DISC1: variants seen among roughly 807,000 people sequenced by gnomAD.
DISC1 encodes DISC1 scaffold protein.
Under a neutral mutation model 84.5 loss-of-function variants are expected in DISC1, and 57 were observed. The ratio of observed to expected loss-of-function variants is 0.67; its 90% CI spans 0.55 to 0.84. The LOEUF is 0.84. Among genes scored for constraint, DISC1 ranks in the 40% least tolerant of loss-of-function variants. The pLI is 0.00. For missense variants in DISC1, 1,000 were observed against 1,057.8 expected, an observed-to-expected ratio of 0.95 and a Z score of 0.76; for synonymous variants, 411 against 415.2, an observed-to-expected ratio of 0.99 and a Z score of 0.12.
chr1:231,631,495 G>A (rs551881145), intron 1 of DISC1, among the ~76,000 whole-genome samples: 61 of 152,258 alleles, frequency 4.0e-4, no homozygotes, highest in South Asian at 1.2e-3. Context: ...TTTTTGCCTT[G>A]AAGGCCTTCC....
At chr1:231,903,918 A>T (rs2088410726) in intron 9 of DISC1, among the ~76,000 whole-genome samples, 1 of 152,262 alleles carries the variant, frequency 6.6e-6, no homozygotes, top group Non-Finnish European at 1.5e-5. Context: ...CTGTTGCTGC[A>T]GTCAAGAGAC....
chr1:231,626,945 T>C lies in DISC1; in HGVS notation c.67+11T>C. 6.7e-7 allele frequency: 1 copy of C among 1,502,046 alleles called. No individual in the cohort carries two copies. The highest frequency in any genetic ancestry group is 2.7e-5 in the East Asian group (1 of 37,728). The allele number at this position is 1,502,046 out of a possible 1,614,324, so 93.0% of individuals were successfully genotyped here. On this transcript the variant is annotated intron_variant, in intron 1 of 12. Coordinates refer to ENST00000439617, the MANE Select transcript of DISC1 (RefSeq NM_018662.3). ...TGAGCCACCGCGCAGGTAGGGGAGC[T>C]GCCACAGAGTCCTAGCACGTCCTGG...
At chr1:231,875,420 C>G (rs199734985) in intron 9 of DISC1, among the ~76,000 whole-genome samples, 1 of 152,168 alleles carries the variant, frequency 6.6e-6, no homozygotes, top group East Asian at 1.9e-4. Context: ...CCTGGGCGCT[C>G]TGGCAATGTC....
intron 1 of DISC1, among the ~76,000 whole-genome samples, chr1:231,690,473 A>G (rs565579115): frequency 1.8e-4 from 27 of 152,240 alleles, no homozygotes; most frequent in African/African-American, 6.0e-4. Context: ...TCACCTTGCC[A>G]TATGTTGCTT....
At chr1:231,664,069 T>C (rs2125397421) in intron 1 of DISC1, among the ~76,000 whole-genome samples, 1 of 151,750 alleles carries the variant, frequency 6.6e-6, no homozygotes, top group Non-Finnish European at 1.5e-5. Flanking sequence ...CATCCATCCA[T>C]CCATCCATCC....
intron 9 of DISC1, among the ~76,000 whole-genome samples, chr1:231,894,285 T>C (rs2087496260): frequency 6.6e-6 from 1 of 152,214 alleles, no homozygotes; most frequent in Admixed American, 6.5e-5. Flanking sequence ...AAAAACATAG[T>C]GGACACCCAT....
intron 3 of DISC1, among the ~76,000 whole-genome samples, chr1:231,734,198 CATACTT>C (rs1157018258): frequency 6.6e-6 from 1 of 152,090 alleles, no homozygotes; most frequent in Admixed American, 6.5e-5. Context: ...TCTGTGAAGA[CATACTT>C]ATAGAAACAA....
At chr1:231,934,160 G>A (rs928246965) in intron 9 of DISC1, among the ~76,000 whole-genome samples, 12 of 152,180 alleles carry the variant, frequency 7.9e-5, no homozygotes, top group South Asian at 2.1e-4. Flanking sequence ...GGGGGTGACC[G>A]TGCAGCAATA....
intron 10 of DISC1, among the ~76,000 whole-genome samples, chr1:231,988,610 T>C (rs563745177): frequency 2.0e-5 from 3 of 152,302 alleles, no homozygotes; most frequent in South Asian, 2.1e-4. Context: ...CTGCAAGAAA[T>C]TGGGAACTTA....
At chr1:231,762,862 C>T (rs969768369) in intron 4 of DISC1, among the ~76,000 whole-genome samples, 8 of 152,012 alleles carry the variant, frequency 5.3e-5, no homozygotes, top group Non-Finnish European at 1.0e-4. Flanking sequence ...CCCCATAGTT[C>T]GCTCCATAGG....
chr1:231,919,828 G>A (rs934360838), intron 9 of DISC1, among the ~76,000 whole-genome samples: 4 of 152,162 alleles, frequency 2.6e-5, no homozygotes, highest in Non-Finnish European at 5.9e-5. Flanking sequence ...AATTTCAGGT[G>A]TGCCTTGATA....
At chr1:231,762,334 T>G (rs2075805394) in intron 4 of DISC1, among the ~76,000 whole-genome samples, 2 of 150,124 alleles carry the variant, frequency 1.3e-5, no homozygotes, top group Non-Finnish European at 3.0e-5. Context: ...CCTTCCTGCC[T>G]TCCTTCCTTT....
At chr1:231,976,437 G>C (rs938984389) in intron 10 of DISC1, among the ~76,000 whole-genome samples, 2 of 152,162 alleles carry the variant, frequency 1.3e-5, no homozygotes, top group African/African-American at 4.8e-5. Flanking sequence ...GACCTTTCTT[G>C]TGGCTGCTTC....
chr1:231,760,307 G>A (rs1234282865), intron 4 of DISC1, among the ~76,000 whole-genome samples: 1 of 152,172 alleles, frequency 6.6e-6, no homozygotes, highest in Non-Finnish European at 1.5e-5. Context: ...ATTTCTAGGT[G>A]TAAAGTGCAC....
chr1:231,921,740 G>A (rs774052516), intron 9 of DISC1, among the ~76,000 whole-genome samples: 3 of 149,584 alleles, frequency 2.0e-5, no homozygotes, highest in Admixed American at 6.7e-5. Flanking sequence ...ATGATTTGAT[G>A]TATGCATATG....
intron 9 of DISC1, chr1:231,818,810 G>T: frequency 1.7e-6 from 2 of 1,201,204 alleles, no homozygotes; most frequent in South Asian, 4.6e-5. Context: ...CCTTGGCAAG[G>T]TCTTGAGCAT....
chr1:231,746,822 G>A (rs1181818284), intron 3 of DISC1, among the ~76,000 whole-genome samples: 1 of 152,146 alleles, frequency 6.6e-6, no homozygotes, highest in African/African-American at 2.4e-5. Context: ...CTTTTGTTGA[G>A]ATGATTCAGT....
chr1:231,911,979 G>A (rs188556506), intron 9 of DISC1, among the ~76,000 whole-genome samples: 2 of 152,156 alleles, frequency 1.3e-5, no homozygotes, highest in South Asian at 2.1e-4. Context: ...ACTGACACTT[G>A]TGCATGTGTC....
intron 11 of DISC1, among the ~76,000 whole-genome samples, chr1:232,014,142 G>T (rs1452377893): frequency 1.3e-5 from 2 of 152,150 alleles, no homozygotes. Flanking sequence ...TGTCCTCCTT[G>T]TCTTAAACTG....
Sources: gnomAD v4.1 joint callset for allele counts (sites outside exome capture counted in the v4.1 genomes callset) on GRCh38, gnomAD v4.1.1 for gene constraint, MANE v1.5 for transcripts, NCBI Gene and HGNC (gene_info 2026-07-23, HGNC 2026-07-21) for gene names.